Variants in PHF8 observed in about 807,000 individuals in gnomAD.
PHF8 encodes the protein histone lysine demethylase PHF8.
A neutral mutation model predicts 74.4 loss-of-function variants in PHF8; 9 were observed. That is an observed-to-expected ratio of 0.12 (90% CI 0.07 to 0.21). The LOEUF (loss-of-function observed/expected upper bound fraction) is 0.21, where lower values mean the gene tolerates loss of function less well. Among genes scored for constraint, PHF8 ranks in the 10% least tolerant of loss-of-function variants. The probability of loss-of-function intolerance (pLI) is 1.00; values close to 1 mark genes in which losing one functional copy is unlikely to be tolerated. For synonymous variants in PHF8, 311 were observed against 316.6 expected (o/e 0.98, Z 0.19); for missense variants, 478 against 816.6 (o/e 0.59, Z 5.05).
intron 8 of PHF8, among the ~76,000 whole-genome samples, chrX:54,006,541 G>A (rs1425109486): frequency 1.8e-5 from 2 of 111,808 alleles, no homozygotes; most frequent in Non-Finnish European, 3.8e-5. Flanking sequence ...AATACTAGTA[G>A]ACTGTGATAT....
At chrX:54,000,064 G>A in intron 10 of PHF8, 103 bp from the exon 11 acceptor site, 1 of 537,975 alleles carries the variant, frequency 1.9e-6, no homozygotes, top group South Asian at 2.5e-5. Flanking sequence ...TCAAGGTTCT[G>A]AGCACAACTG....
intron 18 of PHF8, among the ~76,000 whole-genome samples, chrX:53,980,420 C>T (rs2065461769): frequency 9.0e-6 from 1 of 110,957 alleles, no homozygotes; most frequent in South Asian, 3.8e-4. Context: ...CATGAAGAGG[C>T]AGCAAGACGA....
intron 11 of PHF8, among the ~76,000 whole-genome samples, chrX:53,996,873 G>A (rs1278406535): frequency 3.6e-5 from 4 of 112,162 alleles, no homozygotes; most frequent in African/African-American, 1.3e-4. Context: ...AGACAGAGGA[G>A]GAGTTCTTTG....
chrX:53,998,060 T>C (rs1557103379), intron 11 of PHF8, among the ~76,000 whole-genome samples: 1 of 112,351 alleles, frequency 8.9e-6, no homozygotes, highest in Admixed American at 9.5e-5. Flanking sequence ...TCTTGGTGTG[T>C]TTTTTAAATT....
chrX:54,032,803 T>C (rs2066384836), intron 2 of PHF8, among the ~76,000 whole-genome samples: 1 of 109,553 alleles, frequency 9.1e-6, no homozygotes, highest in South Asian at 4.1e-4. Context: ...AGTGCTTATA[T>C]TGTCTATAAT....
At chrX:53,983,131 C>T (rs953658887) in intron 18 of PHF8, among the ~76,000 whole-genome samples, 1 of 104,507 alleles carries the variant, frequency 9.6e-6, no homozygotes, top group African/African-American at 3.6e-5. Context: ...GCCATGATTG[C>T]GCCACTGCAC....
chrX:54,010,061 C>A (rs186746451), intron 8 of PHF8, among the ~76,000 whole-genome samples: 4 of 109,503 alleles, frequency 3.7e-5, no homozygotes, highest in African/African-American at 1.3e-4. Flanking sequence ...CGCCTATAAT[C>A]CCAGCGCTTT....
At chrX:53,951,514 A>C (rs1417013174) in intron 19 of PHF8, among the ~76,000 whole-genome samples, 1 of 110,694 alleles carries the variant, frequency 9.0e-6, no homozygotes, top group Non-Finnish European at 1.9e-5. Flanking sequence ...GCAGTGGTGC[A>C]ATCTCGGCTC....
chrX:54,044,532 G>A (rs1195894526), upstream of PHF8: 4 of 419,835 alleles, frequency 9.5e-6, no homozygotes, highest in Non-Finnish European at 1.2e-5. Context: ...CGTCATCGGG[G>A]GGGCGGGGCG....
At chrX:54,030,454 C>T (rs2066336387) in intron 2 of PHF8, among the ~76,000 whole-genome samples, 1 of 111,887 alleles carries the variant, frequency 8.9e-6, no homozygotes, top group African/African-American at 3.2e-5. Flanking sequence ...CAAAGCCAAG[C>T]ACACGGTAAG....
chrX:54,042,993 A>T (rs1475953889), intron 1 of PHF8, 173 bp from the exon 2 acceptor site: 3 of 517,203 alleles, frequency 5.8e-6, no homozygotes, highest in Non-Finnish European at 8.7e-6. Context: ...TTTCACACGT[A>T]AAGAACGGAG....
At chrX:53,982,064 A>C (rs1217647673) in intron 18 of PHF8, among the ~76,000 whole-genome samples, 1 of 112,151 alleles carries the variant, frequency 8.9e-6, no homozygotes, top group Non-Finnish European at 1.9e-5. Context: ...TGCTGGGCAA[A>C]GTAGGGAGGC....
intron 6 of PHF8, among the ~76,000 whole-genome samples, chrX:54,015,596 A>C (rs1228105697): frequency 2.8e-5 from 3 of 107,435 alleles, no homozygotes; most frequent in Non-Finnish European, 3.8e-5. Flanking sequence ...AAAAAAAAAA[A>C]ACACAACAGC....
intron 2 of PHF8, chrX:54,039,550 CTGTATT>C (rs1224217479): frequency 1.8e-5 from 2 of 112,464 alleles, no homozygotes; most frequent in Non-Finnish European, 3.7e-5. Context: ...AAGCCCATTT[CTGTATT>C]TGTAAGTTTA....
intron 18 of PHF8, among the ~76,000 whole-genome samples, chrX:53,967,978 C>T (rs1343549434): frequency 8.5e-5 from 9 of 105,490 alleles, no homozygotes; most frequent in Admixed American, 5.9e-4. Flanking sequence ...ACAAACACTG[C>T]GGAAGGCCGC....
chrX:54,025,955 C>T (rs2066259676), intron 2 of PHF8, among the ~76,000 whole-genome samples: 1 of 111,632 alleles, frequency 9.0e-6, no homozygotes. Context: ...TCCCCATATG[C>T]AAACCCTAAC....
At chrX:53,967,040 T>G (rs1483930711) in intron 18 of PHF8, among the ~76,000 whole-genome samples, 5 of 95,712 alleles carry the variant, frequency 5.2e-5, no homozygotes, top group Non-Finnish European at 2.1e-5. Flanking sequence ...GCCCGGCAGC[T>G]GCCCCGTCTG....
intron 19 of PHF8, among the ~76,000 whole-genome samples, chrX:53,952,347 T>C (rs1227930071): frequency 1.8e-5 from 2 of 108,964 alleles, no homozygotes; most frequent in Non-Finnish European, 3.8e-5. Flanking sequence ...CACTAGACAA[T>C]TGAGTCTACA....
At chrX:53,992,645 C>T in intron 14 of PHF8, 91 bp downstream of exon 14, 1 of 555,122 alleles carries the variant, frequency 1.8e-6, no homozygotes, top group Admixed American at 2.6e-5. Context: ...TACCCATGTC[C>T]CAACCCCTAG....
Sources: allele counts gnomAD v4.1 joint callset (sites outside exome capture counted in the v4.1 genomes callset), GRCh38; gene constraint gnomAD v4.1.1; transcripts MANE v1.5; gene names NCBI Gene and HGNC (gene_info 2026-07-23, HGNC 2026-07-21).